Variants in POU6F2 observed in about 807,000 individuals in gnomAD.
POU6F2 encodes the protein POU domain, class 6, transcription factor 2.
In POU6F2, 31 loss-of-function variants were observed where a neutral mutation model predicts 71.3. That is an observed-to-expected ratio of 0.43 (90% CI 0.33 to 0.59). POU6F2 has a LOEUF of 0.59. Among genes scored for constraint, POU6F2 ranks in the 20% least tolerant of loss-of-function variants. The pLI is 0.04. For synonymous variants in POU6F2, 347 were observed against 355.7 expected (o/e 0.98, Z 0.27); for missense variants, 783 against 856.8 (o/e 0.91, Z 1.07).
intron 1 of POU6F2, among the ~76,000 whole-genome samples, chr7:39,046,096 T>C (rs1043203696): frequency 5.3e-5 from 8 of 151,890 alleles, no homozygotes; most frequent in Non-Finnish European, 1.2e-4. Context: ...AGCTCAGGTT[T>C]CTCCACCTTC....
intron 4 of POU6F2, among the ~76,000 whole-genome samples, chr7:39,317,611 C>T (rs189351570): frequency 3.9e-5 from 6 of 152,074 alleles, no homozygotes; most frequent in Admixed American, 2.0e-4. Context: ...TTTTTGGAGG[C>T]CTTTCTAATT....
intron 2 of POU6F2, among the ~76,000 whole-genome samples, chr7:39,145,597 C>T (rs142611840): frequency 1.8e-4 from 28 of 152,206 alleles, no homozygotes; most frequent in South Asian, 6.2e-4. Context: ...TTATTTGCTC[C>T]GAAATATTCT....
At chr7:39,365,868 G>A (rs1420223412) in intron 5 of POU6F2, among the ~76,000 whole-genome samples, 1 of 152,132 alleles carries the variant, frequency 6.6e-6, no homozygotes, top group African/African-American at 2.4e-5. Context: ...GTGGTGTCAG[G>A]GTGTGTCTAC....
At chr7:39,059,687 A>G (rs1790613670) in intron 1 of POU6F2, among the ~76,000 whole-genome samples, 1 of 152,200 alleles carries the variant, frequency 6.6e-6, no homozygotes, top group Admixed American at 6.5e-5. Flanking sequence ...ATCTATTTCT[A>G]AGAGAAGTGA....
intron 1 of POU6F2, among the ~76,000 whole-genome samples, chr7:39,037,878 C>A (rs1790100554): frequency 6.6e-6 from 1 of 151,994 alleles, no homozygotes; most frequent in Non-Finnish European, 1.5e-5. Flanking sequence ...AATAAAACAT[C>A]CCCCGACCAT....
At chr7:39,461,195 C>T (rs184433248) in intron 9 of POU6F2, among the ~76,000 whole-genome samples, 60 of 152,232 alleles carry the variant, frequency 3.9e-4, no homozygotes, top group African/African-American at 1.3e-3. Context: ...TTTAACTTGC[C>T]TTCCCAGACA....
intron 7 of POU6F2, 134 bp from the exon 8 acceptor site, chr7:39,451,399 G>A (rs1204699588): frequency 1.1e-6 from 1 of 935,950 alleles, no homozygotes; most frequent in Non-Finnish European, 1.5e-6. Flanking sequence ...TGCTGTGTAG[G>A]GTGCGCACTC....
intron 3 of POU6F2, among the ~76,000 whole-genome samples, chr7:39,206,355 C>T (rs1584601322): frequency 6.6e-6 from 1 of 152,204 alleles, no homozygotes; most frequent in African/African-American, 2.4e-5. Flanking sequence ...GAGCAGTTGC[C>T]TTTCCCTACC....
chr7:39,139,235 G>A (rs1792447761), intron 2 of POU6F2, among the ~76,000 whole-genome samples: 1 of 152,216 alleles, frequency 6.6e-6, no homozygotes, highest in Non-Finnish European at 1.5e-5. Flanking sequence ...GATTATTGAG[G>A]CATTAGAGGT....
At chr7:39,144,426 T>C (rs1000669022) in intron 2 of POU6F2, among the ~76,000 whole-genome samples, 3 of 152,254 alleles carry the variant, frequency 2.0e-5, no homozygotes, top group Non-Finnish European at 4.4e-5. Flanking sequence ...TATATCTTAA[T>C]TGTTGATGGC....
chr7:39,216,207 A>G (rs908749392), intron 4 of POU6F2, among the ~76,000 whole-genome samples: 1 of 152,216 alleles, frequency 6.6e-6, no homozygotes, highest in East Asian at 1.9e-4. Flanking sequence ...TGTGTCCAAC[A>G]GTCATTGCAT....
intron 2 of POU6F2, among the ~76,000 whole-genome samples, chr7:39,156,692 C>T (rs1792877145): frequency 6.6e-6 from 1 of 150,932 alleles, no homozygotes; most frequent in African/African-American, 2.4e-5. Context: ...TTTAAAGATA[C>T]AAAATTAAGG....
rs1198664393 is a variant in POU6F2, at chr7:39,340,034, C to T, written c.972+19C>T. The T allele has an allele frequency of 6.3e-7, 1 of 1,583,128 alleles. No homozygotes were observed. The highest frequency in any genetic ancestry group is 1.3e-5 in the African/African-American group (1 of 74,540). On this transcript the variant is annotated intron_variant, in intron 5 of 9. Transcript: ENST00000518318. ...TCTACAGGTATGCTCCCCGTGCTTCCCGTCTGCCCCTAGGAGCACCAAGGA... is the reference window on the plus strand; with the variant it reads ...TCTACAGGTATGCTCCCCGTGCTTCTCGTCTGCCCCTAGGAGCACCAAGGA...
At chr7:39,297,453 T>C (rs995785012) in intron 4 of POU6F2, among the ~76,000 whole-genome samples, 2 of 152,218 alleles carry the variant, frequency 1.3e-5, no homozygotes, top group Admixed American at 1.3e-4. Context: ...AGTGTATAGT[T>C]GCCTCAGACC....
intron 4 of POU6F2, among the ~76,000 whole-genome samples, chr7:39,255,936 T>C (rs1160894526): frequency 6.6e-6 from 1 of 152,216 alleles, no homozygotes. Context: ...AGAAGTTTGC[T>C]GAATTAATAG....
chr7:39,053,522 A>G (rs1192758871), intron 1 of POU6F2, among the ~76,000 whole-genome samples: 1 of 152,048 alleles, frequency 6.6e-6, no homozygotes, highest in Admixed American at 6.6e-5. Flanking sequence ...AAGATCCCTG[A>G]GGTAAAGAGT....
At position 39,156,812 on chromosome 7, in the gene POU6F2, T is replaced by A. The variant is rs1484642028; in HGVS notation, c.278-47423T>A. On this transcript the variant is annotated intron_variant, in intron 2 of 9. Coordinates refer to ENST00000518318, the MANE Select transcript of POU6F2 (RefSeq NM_001370959.1). ...ATTGCTCTTCCCTTCCCTGCTTACC[T>A]CTTCAGGAAAAGGAAGCTGGGGAGG... Among the ~76,000 whole-genome samples, 3 of 152,290 alleles carry A rather than the reference T, an allele frequency of 2.0e-5. 1 individual carries two copies. Among genetic ancestry groups the A allele is most frequent in the Admixed American group, 1.3e-4 (2 of 15,300 alleles).
intron 4 of POU6F2, among the ~76,000 whole-genome samples, chr7:39,248,158 T>C (rs534882338): frequency 3.3e-5 from 5 of 152,260 alleles, no homozygotes; most frequent in East Asian, 1.9e-4. Context: ...GTGGACATAT[T>C]GACTTGTTAA....
chr7:39,433,744 A>G (rs1788165255), intron 7 of POU6F2, among the ~76,000 whole-genome samples: 1 of 152,344 alleles, frequency 6.6e-6, no homozygotes, highest in East Asian at 1.9e-4. Context: ...GTTGAATTTC[A>G]CAAAACCATG....
Sources: allele counts gnomAD v4.1 joint callset (sites outside exome capture counted in the v4.1 genomes callset), GRCh38; gene constraint gnomAD v4.1.1; transcripts MANE v1.5; gene names NCBI Gene and HGNC (gene_info 2026-07-23, HGNC 2026-07-21).